The following IDE variants were observed in gnomAD, a reference collection of about 807,000 sequenced individuals.
The protein encoded by IDE is insulin degrading enzyme.
In IDE, 58 loss-of-function variants were observed where a neutral mutation model predicts 133.2. That is an observed-to-expected ratio of 0.44 (90% confidence interval 0.35 to 0.54). IDE has a LOEUF of 0.54. IDE is among the 20% of genes least tolerant of loss of function. IDE has a pLI of 0.00. For missense variants in IDE, 981 were observed against 1,234.0 expected (o/e 0.79, Z 3.07); for synonymous variants, 396 against 421.3 (o/e 0.94, Z 0.73).
intron 11 of IDE, among the ~76,000 whole-genome samples, chr10:92,491,758 C>T (rs902773950): frequency 1.3e-5 from 2 of 152,040 alleles, no homozygotes; most frequent in Non-Finnish European, 2.9e-5. Context: ...TTACAGGTGC[C>T]TACCACCTTG....
chr10:92,497,666 T>A, intron 11 of IDE: 1 of 947,756 alleles, frequency 1.1e-6, no homozygotes, highest in Non-Finnish European at 1.3e-6. Context: ...AAGAAGGTAA[T>A]CTTACCCTTG....
At chr10:92,506,386 A>G (rs1848293956) in intron 10 of IDE, 56 bp downstream of exon 10, 5 of 795,044 alleles carry the variant, frequency 6.3e-6, no homozygotes, top group Admixed American at 2.3e-5. Context: ...AATATATGCA[A>G]GATTGCTGAA....
chr10:92,556,197 A>AG (rs1361370667), intron 1 of IDE, among the ~76,000 whole-genome samples: 81 of 151,192 alleles, frequency 5.4e-4, no homozygotes, highest in African/African-American at 1.8e-3. Flanking sequence ...AAAAAAAAAA[A>AG]AAAGAAAGAA....
Position 92,515,050 on chromosome 10 carries a change from G to A in IDE, c.662-8C>T. ...CCAGAGTATATTTGTTACCTGGAAG[G>A]GAAGAAAAGGGATTTCTTAGAAAAA... On this transcript the variant is annotated splice_polypyrimidine_tract_variant and splice_region_variant and intron_variant, in intron 4 of 24. Transcript: ENST00000265986. 6.4e-7 allele frequency: 1 copy of A among 1,568,584 alleles called. No homozygotes were observed. Among genetic ancestry groups the A allele is most frequent in the Non-Finnish European group, 8.6e-7 (1 of 1,159,282 alleles).
chr10:92,456,301 A>G (rs1845002512), intron 23 of IDE, 58 bp downstream of exon 23: 1 of 1,225,930 alleles, frequency 8.2e-7, no homozygotes. Context: ...TAGCTATGAC[A>G]AAGGCCAACC....
chr10:92,463,915 T>G lies in IDE; in HGVS notation c.2577A>C (p.Leu859=). 1.2e-6 allele frequency: 2 copies of G among 1,614,178 alleles called. No individual in the cohort carries two copies. Among genetic ancestry groups the G allele is most frequent in the Non-Finnish European group, 1.7e-6 (2 of 1,180,010 alleles). The change falls in exon 21 of 25, where the codon CTA becomes CTC. Residue 859 remains leucine (L), a synonymous_variant. Transcript: ENST00000265986. Reference sequence around the variant, plus strand: ...TTAAGAAAGCTTCCACTCTGCTTTCTAGGTAGTGAGGTGGCTTTTCTGACT... The same window carrying G: ...TTAAGAAAGCTTCCACTCTGCTTTCGAGGTAGTGAGGTGGCTTTTCTGACT... The part of the protein sequence containing the change: ...IIQSEKPPHY[L]ESRVEAFLIT...
chr10:92,519,086 G>A (rs75629716), intron 4 of IDE, among the ~76,000 whole-genome samples: 5,961 of 151,916 alleles, frequency 0.039, 158 homozygotes, highest in Admixed American at 0.06. Context: ...AATAAACAAC[G>A]GAAAATAAAC....
At chr10:92,563,761 A>C (rs1346003133) in intron 1 of IDE, among the ~76,000 whole-genome samples, 1 of 152,126 alleles carries the variant, frequency 6.6e-6, no homozygotes, top group Non-Finnish European at 1.5e-5. Flanking sequence ...CTCAAAAAAA[A>C]AAGAAAGAAA....
At chr10:92,559,991 T>C (rs1843202112) in intron 1 of IDE, among the ~76,000 whole-genome samples, 1 of 152,100 alleles carries the variant, frequency 6.6e-6, no homozygotes, top group Non-Finnish European at 1.5e-5. Flanking sequence ...CCTGCCTCAG[T>C]CTGGGAGTCA....
chr10:92,571,799 T>C (rs1002198161), intron 1 of IDE, among the ~76,000 whole-genome samples: 4 of 152,258 alleles, frequency 2.6e-5, no homozygotes, highest in African/African-American at 9.6e-5. Context: ...CGATGCCAGA[T>C]AGACATGGGT....
intron 22 of IDE, among the ~76,000 whole-genome samples, chr10:92,458,261 A>G (rs934734982): frequency 6.6e-6 from 1 of 152,200 alleles, no homozygotes; most frequent in Non-Finnish European, 1.5e-5. Flanking sequence ...AGAAAATGTT[A>G]GTCAAAATTA....
At chr10:92,571,857 G>A (rs1843802733) in intron 1 of IDE, among the ~76,000 whole-genome samples, 1 of 152,202 alleles carries the variant, frequency 6.6e-6, no homozygotes, top group African/African-American at 2.4e-5. Flanking sequence ...TCTCTGTTAA[G>A]ACATTCTTCC....
intron 4 of IDE, among the ~76,000 whole-genome samples, chr10:92,528,360 G>A (rs201871091): frequency 2.6e-5 from 4 of 151,692 alleles, no homozygotes; most frequent in Admixed American, 2.6e-4. Flanking sequence ...CCAATGCTCA[G>A]AGTCTACTGT....
intron 4 of IDE, among the ~76,000 whole-genome samples, chr10:92,520,975 TCAAAAAA>T (rs1477900346): frequency 6.6e-6 from 1 of 152,184 alleles, no homozygotes; most frequent in Non-Finnish European, 1.5e-5. Flanking sequence ...TATGTGATAC[TCAAAAAA>T]CAAATTAGTC....
rs1229855848 is a variant in IDE, at chr10:92,508,887, G to A, written c.901C>T (p.Leu301Phe). The A allele has an allele frequency of 1.2e-6, 2 of 1,610,568 alleles. No individual in the cohort carries two copies. The highest frequency in any genetic ancestry group is 1.7e-6 in the Non-Finnish European group (2 of 1,176,866). ...TCTTTAATGGGTACTATTTTGTAAA[G>A]TTGCTGGAGAAAACAAATCACAGAG... ...HPFQEEHLKQ[L>F]YKIVPIKDIR... Residue 301 changes from leucine (L) to phenylalanine (F), a missense_variant, in exon 7 of 25, where the codon CTT becomes TTT. Transcript: ENST00000265986.
chr10:92,507,518 T>C, intron 9 of IDE, 57 bp downstream of exon 9: 2 of 855,544 alleles, frequency 2.3e-6, no homozygotes, highest in Non-Finnish European at 4.0e-6. Flanking sequence ...TTAATTCACA[T>C]GTATTTGCTC....
chr10:92,487,184 C>T lies in IDE; in HGVS notation c.1656+12G>A. ...TCCCCCAAATTTAAAATCACTGATT[C>T]AAACACATTACCTTAATAAGAGCAG... On this transcript the variant is annotated intron_variant, in intron 13 of 24. Transcript: ENST00000265986. 6.2e-7 allele frequency: 1 copy of T among 1,604,402 alleles called. No individual in the cohort carries two copies. The highest frequency in any genetic ancestry group is 8.5e-7 in the Non-Finnish European group (1 of 1,177,204).
chr10:92,532,694 C>A (rs867854124), intron 3 of IDE, among the ~76,000 whole-genome samples: 1 of 152,124 alleles, frequency 6.6e-6, no homozygotes, highest in South Asian at 2.1e-4. Context: ...TCTTCTATAT[C>A]AGGTTGAATT....
intron 11 of IDE, among the ~76,000 whole-genome samples, chr10:92,501,550 G>A (rs72474866): frequency 0.17 from 25,803 of 150,020 alleles, 2,501 homozygotes; most frequent in African/African-American, 0.25. Flanking sequence ...CGTGCCTGTG[G>A]TTACAGCTAC....
Sources: gnomAD v4.1 joint callset for allele counts (sites outside exome capture counted in the v4.1 genomes callset) on GRCh38, gnomAD v4.1.1 for gene constraint, MANE v1.5 for transcripts, NCBI Gene and HGNC (gene_info 2026-07-23, HGNC 2026-07-21) for gene names.